The following PAN3 variants were observed in gnomAD, a reference collection of about 807,000 sequenced individuals.
The protein encoded by PAN3 is poly(A) specific ribonuclease subunit PAN3.
PAN3 carries 19 observed loss-of-function variants against 96.2 expected under a neutral mutation model. The observed-to-expected ratio is 0.20, with a 90% CI of 0.14 to 0.29. The LOEUF is 0.29. Ranked by LOEUF, PAN3 falls within the 10% of genes least tolerant of loss-of-function variation. The pLI is 1.00. For synonymous variants in PAN3, 433 were observed against 406.6 expected (o/e 1.06, Z -0.78); for missense variants, 882 against 1,108.1 (o/e 0.80, Z 2.90).
intron 14 of PAN3, among the ~76,000 whole-genome samples, chr13:28,276,000 G>A (rs746825634): frequency 3.9e-5 from 6 of 152,140 alleles, no homozygotes; most frequent in Non-Finnish European, 7.4e-5. Flanking sequence ...TGGGTAGGCT[G>A]TTGTTAAGTA....
At chr13:28,203,962 C>T (rs916502317) in intron 5 of PAN3, among the ~76,000 whole-genome samples, 2 of 151,874 alleles carry the variant, frequency 1.3e-5, no homozygotes, top group African/African-American at 4.8e-5. Flanking sequence ...TCCACCACGC[C>T]CAGCTAATTT....
intron 12 of PAN3, among the ~76,000 whole-genome samples, chr13:28,270,144 T>G (rs1159877636): frequency 6.6e-6 from 1 of 152,238 alleles, no homozygotes; most frequent in Non-Finnish European, 1.5e-5. Context: ...TCTACTGATT[T>G]ACAACATATT....
At chr13:28,240,518 A>T (rs17086424) in intron 6 of PAN3, among the ~76,000 whole-genome samples, 20,556 of 152,196 alleles carry the variant, frequency 0.14, 1,626 homozygotes, top group East Asian at 0.32. Context: ...ATATAGGAGT[A>T]ATGATAGTAT....
chr13:28,181,826 TAGG>T (rs1566164958), intron 4 of PAN3, among the ~76,000 whole-genome samples: 1 of 152,232 alleles, frequency 6.6e-6, no homozygotes, highest in Non-Finnish European at 1.5e-5. Flanking sequence ...CCATGATTTA[TAGG>T]AGATTTTTTA....
At chr13:28,275,518 A>G (rs572464897) in intron 14 of PAN3, among the ~76,000 whole-genome samples, 28 of 152,292 alleles carry the variant, frequency 1.8e-4, no homozygotes, top group African/African-American at 6.0e-4. Context: ...AATAACAACA[A>G]TCTTTGGTAT....
At position 28,139,008 on chromosome 13, in the gene PAN3, G is replaced by A. The variant is rs1467904781; in HGVS notation, c.351G>A (p.Pro117=). The A allele has an allele frequency of 7.8e-7, 1 of 1,274,800 alleles. No individual in the cohort carries two copies. The highest frequency in any genetic ancestry group is 1.5e-5 in the African/African-American group (1 of 64,644). The allele number at this position is 1,274,800 out of a possible 1,614,324, so 79.0% of individuals were successfully genotyped here. Residue 117 remains proline (P), a synonymous_variant, in exon 1 of 19, where the codon CCG becomes CCA. Coordinates refer to ENST00000380958, the MANE Select transcript of PAN3 (RefSeq NM_175854.8). Reference sequence around the variant, plus strand: ...GGCCGCCCCCCGGGCCCAAGAAGCCGGACCTGGGGGACCCGGGGACCGGAG... The same window carrying A: ...GGCCGCCCCCCGGGCCCAAGAAGCCAGACCTGGGGGACCCGGGGACCGGAG... The part of the protein sequence containing the change: ...GAGPPPGPKK[P]DLGDPGTGAA...
At chr13:28,232,744 G>C (rs1438096720) in intron 6 of PAN3, 1 of 152,126 alleles carries the variant, frequency 6.6e-6, no homozygotes, top group African/African-American at 2.4e-5. Flanking sequence ...ATCACATTAA[G>C]TGTTTAGATA....
chr13:28,264,353 A>G (rs567353967), intron 9 of PAN3, among the ~76,000 whole-genome samples: 1 of 152,214 alleles, frequency 6.6e-6, no homozygotes, highest in African/African-American at 2.4e-5. Context: ...AGCCTGGCCA[A>G]CATGGCAAAA....
intron 15 of PAN3, 86 bp downstream of exon 15, chr13:28,277,462 C>G (rs554892543): frequency 7.3e-7 from 1 of 1,366,982 alleles, no homozygotes; most frequent in Non-Finnish European, 1.0e-6. Context: ...TGTTTTGGTT[C>G]CCACTATTTA....
chr13:28,276,774 C>T (rs1189711359), intron 14 of PAN3, among the ~76,000 whole-genome samples: 1 of 152,102 alleles, frequency 6.6e-6, no homozygotes, highest in Non-Finnish European at 1.5e-5. Context: ...CCACTATATT[C>T]TGGGAGTTAC....
chr13:28,158,672 A>G lies in PAN3; in HGVS notation c.431-15600A>G, dbSNP rs145624903. Among the ~76,000 whole-genome samples the G allele has an allele frequency of 8.2e-3, 1,249 of 152,210 alleles. 25 individuals are homozygous for G. Among genetic ancestry groups the G allele is most frequent in the African/African-American group, 0.028 (1,181 of 41,536 alleles). ...GGCAGGTGGATCACGAGGTCAGGAG[A>G]TCAAGACCATCCTGGCTAACACAGT... is the stretch of plus-strand genomic sequence containing the variant. On this transcript the variant is annotated intron_variant, in intron 1 of 18. Transcript: ENST00000380958.
rs576174173 is a variant in PAN3, at chr13:28,241,920, TATTA to T, written c.1001-14368_1001-14365del. Among the ~76,000 whole-genome samples the T allele has an allele frequency of 1.2e-3, 177 of 152,374 alleles. 2 individuals carry two copies. Among genetic ancestry groups the T allele is most frequent in the African/African-American group, 4.2e-3 (174 of 41,590 alleles). ...CATCTGTTCAAGATGACATATGTTTTATTAATTTCTAATCTAAATCATTATCTTC... is the reference window on the plus strand; with the variant it reads ...CATCTGTTCAAGATGACATATGTTTTATTTCTAATCTAAATCATTATCTTC... On this transcript the variant is annotated intron_variant, in intron 6 of 18. Coordinates refer to ENST00000380958, the MANE Select transcript of PAN3 (RefSeq NM_175854.8).
chr13:28,234,461 A>T (rs1217338019), intron 6 of PAN3, among the ~76,000 whole-genome samples: 1 of 152,236 alleles, frequency 6.6e-6, no homozygotes. Context: ...ATGTGAATGT[A>T]TAATTTCTAT....
At chr13:28,167,241 A>G (rs1478867856) in intron 1 of PAN3, among the ~76,000 whole-genome samples, 1 of 151,808 alleles carries the variant, frequency 6.6e-6, no homozygotes, top group Non-Finnish European at 1.5e-5. Flanking sequence ...TGCCCAGGCT[A>G]GAGTGCAGTG....
chr13:28,279,527 AG>A (rs1887298975), intron 15 of PAN3, among the ~76,000 whole-genome samples: 1 of 152,030 alleles, frequency 6.6e-6, no homozygotes, highest in Non-Finnish European at 1.5e-5. Context: ...TGGGAGGCCA[AG>A]GCAGGTGGAT....
chr13:28,191,028 G>A (rs1370426701), intron 4 of PAN3, among the ~76,000 whole-genome samples: 1 of 152,168 alleles, frequency 6.6e-6, no homozygotes, highest in Non-Finnish European at 1.5e-5. Flanking sequence ...GGATCAATAA[G>A]GGAATTTACC....
At chr13:28,258,747 G>A (rs866975858) in intron 7 of PAN3, among the ~76,000 whole-genome samples, 2 of 152,048 alleles carry the variant, frequency 1.3e-5, no homozygotes, top group Non-Finnish European at 2.9e-5. Flanking sequence ...TATCCAAGGG[G>A]GATTGATTCC....
At chr13:28,205,689 A>AATAATTAGCT (rs1263117854) in intron 5 of PAN3, among the ~76,000 whole-genome samples, 24 of 152,052 alleles carry the variant, frequency 1.6e-4, no homozygotes, top group African/African-American at 5.8e-4. Context: ...AAGAAAAAAT[A>AATAATTAGCT]ATAATTAGCT....
At chr13:28,258,674 C>G (rs1178419059) in intron 7 of PAN3, among the ~76,000 whole-genome samples, 1 of 152,120 alleles carries the variant, frequency 6.6e-6, no homozygotes, top group African/African-American at 2.4e-5. Context: ...TTTAGTTTCT[C>G]CTTCCTTCCT....
Sources: gnomAD v4.1 joint callset for allele counts (sites outside exome capture counted in the v4.1 genomes callset) on GRCh38, gnomAD v4.1.1 for gene constraint, MANE v1.5 for transcripts, NCBI Gene and HGNC (gene_info 2026-07-23, HGNC 2026-07-21) for gene names.